The following MAPK9 variants were observed in gnomAD, a reference collection of about 807,000 sequenced individuals.
MAPK9 encodes Jun kinase.
In MAPK9, 30 loss-of-function variants were observed where a neutral mutation model predicts 57.1. That is an observed-to-expected ratio of 0.53 (90% CI 0.39 to 0.71). MAPK9 has a LOEUF of 0.71. MAPK9 is among the 30% of genes least tolerant of loss of function. The pLI is 0.00. For missense variants in MAPK9, 362 were observed against 521.0 expected, an observed-to-expected ratio of 0.69 and a Z score of 2.97; for synonymous variants, 155 against 177.0, an observed-to-expected ratio of 0.88 and a Z score of 0.99.
At chr5:180,263,124 C>T (rs1173662534) in intron 4 of MAPK9, 1 of 152,342 alleles carries the variant, frequency 6.6e-6, no homozygotes, top group African/African-American at 2.4e-5. Flanking sequence ...CTGATTCCAT[C>T]CCTAGCCCAG....
intron 5 of MAPK9, among the ~76,000 whole-genome samples, chr5:180,251,144 G>A (rs1335552295): frequency 2.0e-5 from 3 of 152,172 alleles, no homozygotes; most frequent in Non-Finnish European, 2.9e-5. Context: ...GTGCTGGCGG[G>A]AGAAGCAGAA....
Position 180,236,460 on chromosome 5 carries a change from G to C in MAPK9, c.1199C>G (p.Ser400Cys), listed in dbSNP as rs1258675846. ...SSSINDISSM[S>C]TEQTLASDTD... is the part of the protein sequence containing the mutation. Reference sequence around the variant, plus strand: ...GTCTGAGGCCAGCGTCTGCTCAGTGGACATGGATGAAATGTCATTGATCGA... The same window carrying C: ...GTCTGAGGCCAGCGTCTGCTCAGTGCACATGGATGAAATGTCATTGATCGA... Residue 400 changes from serine to cysteine, a missense_variant, in exon 12 of 12, where the codon TCC (serine) becomes TGC (cysteine). Coordinates refer to ENST00000452135, the MANE Select transcript of MAPK9 (RefSeq NM_002752.5). The C allele has an allele frequency of 6.2e-7, 1 of 1,614,086 alleles. No individual in the cohort carries two copies. The highest frequency in any genetic ancestry group is 1.7e-5 in the Admixed American group (1 of 60,016).
At chr5:180,254,121 CA>C (rs1759015277) in intron 5 of MAPK9, among the ~76,000 whole-genome samples, 2 of 152,180 alleles carry the variant, frequency 1.3e-5, no homozygotes, top group Non-Finnish European at 2.9e-5. Context: ...CACCTGCCAC[CA>C]CGCCCAGCTA....
intron 2 of MAPK9, among the ~76,000 whole-genome samples, chr5:180,273,332 A>T (rs1025867359): frequency 2.6e-5 from 4 of 152,070 alleles, no homozygotes; most frequent in African/African-American, 4.8e-5. Context: ...TTGGTTTTTT[A>T]AAATAAACAA....
At chr5:180,268,052 C>G (rs955253692) in intron 3 of MAPK9, among the ~76,000 whole-genome samples, 1 of 151,962 alleles carries the variant, frequency 6.6e-6, no homozygotes, top group Non-Finnish European at 1.5e-5. Flanking sequence ...TCTCTATCTC[C>G]TGACGTCATG....
At chr5:180,290,789 C>T (rs1763160445) in intron 1 of MAPK9, among the ~76,000 whole-genome samples, 2 of 152,222 alleles carry the variant, frequency 1.3e-5, no homozygotes, top group African/African-American at 4.8e-5. Flanking sequence ...TTTCTTTGAT[C>T]ATTCATTCAT....
chr5:180,292,009 A>AGGGGCGCC lies in MAPK9; in HGVS notation c.-217_-210dup, dbSNP rs1182735903. 5.1e-5 allele frequency: 8 copies of AGGGGCGCC among 155,988 alleles called. No homozygotes were observed. Among genetic ancestry groups the AGGGGCGCC allele is most frequent in the Non-Finnish European group, 9.6e-5 (7 of 73,062 alleles). 9.7% of individuals were successfully genotyped at this position (155,988 alleles called of 1,614,324 possible). A position where few individuals can be genotyped will look rare whatever the true frequency, so the allele number is the denominator to read the frequency against. On this transcript the variant is annotated 5_prime_UTR_variant, in exon 1 of 12. Coordinates refer to ENST00000452135, the MANE Select transcript of MAPK9 (RefSeq NM_002752.5). ...CGCCGCCGCCGCCGCAGTGGGTGTGAGGGGCGCCGGGGCGCTGCGACCCTT... is the reference window on the plus strand; with the variant it reads ...CGCCGCCGCCGCCGCAGTGGGTGTGAGGGGCGCCGGGGCGCCGGGGCGCTGCGACCCTT...
At chr5:180,238,262 T>A (rs1478239903) in intron 11 of MAPK9, 70 bp downstream of exon 11, 3 of 1,261,610 alleles carry the variant, frequency 2.4e-6, no homozygotes, top group South Asian at 2.5e-5. Flanking sequence ...AGAACGAAAC[T>A]CTGTCTCAAA....
rs932089621 is a variant in MAPK9, at chr5:180,238,384, G to C, written c.1080C>G (p.Val360=). 1.9e-6 allele frequency: 3 copies of C among 1,611,078 alleles called. No individual in the cohort carries two copies. The highest frequency in any genetic ancestry group is 2.5e-6 in the Non-Finnish European group (3 of 1,177,598). The change falls in exon 11 of 12, where the codon GTC becomes GTG. Residue 360 remains valine, a synonymous_variant. Transcript: ENST00000452135. ...TCTTGCTTCTTTCTTCCCAATCCAT[G>C]ACTTCTTTGTAAATTAGCTCTTTAA... ...EEWKELIYKE[V]MDWEERSKNG...
chr5:180,268,740 T>C (rs34769284), intron 3 of MAPK9, among the ~76,000 whole-genome samples: 15 of 150,624 alleles, frequency 1.0e-4, no homozygotes, highest in African/African-American at 3.7e-4. Flanking sequence ...GGCAGGAAAA[T>C]GGCATGAACC....
intron 5 of MAPK9, among the ~76,000 whole-genome samples, 198 bp from the exon 6 acceptor site, chr5:180,249,336 T>A (rs1391209078): frequency 6.6e-6 from 1 of 152,144 alleles, no homozygotes; most frequent in Non-Finnish European, 1.5e-5. Context: ...TGGTGCCCCT[T>A]ACCCCCAGTG....
chr5:180,286,704 GGGTAAGGGCTTCTCGTGGCTCCTT>G (rs1253188654), intron 1 of MAPK9, among the ~76,000 whole-genome samples: 1 of 152,126 alleles, frequency 6.6e-6, no homozygotes, highest in Admixed American at 6.5e-5. Context: ...CCAGGGCCCT[GGGTAAGGGCTTCTCGTGGCTCCTT>G]GGACCAGCGA....
At chr5:180,267,491 G>A (rs1445709641) in intron 3 of MAPK9, among the ~76,000 whole-genome samples, 1 of 150,144 alleles carries the variant, frequency 6.7e-6, no homozygotes, top group African/African-American at 2.5e-5. Flanking sequence ...GAACCTGGGA[G>A]GCGGAGCTTG....
chr5:180,260,205 C>A (rs1759782040), intron 5 of MAPK9, among the ~76,000 whole-genome samples: 1 of 152,124 alleles, frequency 6.6e-6, no homozygotes. Flanking sequence ...TCTAAAAAAC[C>A]CTATAAATGT....
intron 4 of MAPK9, among the ~76,000 whole-genome samples, chr5:180,263,307 C>T (rs1031941346): frequency 4.6e-5 from 7 of 152,144 alleles, no homozygotes; most frequent in African/African-American, 1.7e-4. Context: ...CAGTCTCTTC[C>T]CCTCTCACCC....
intron 7 of MAPK9, chr5:180,246,843 G>T (rs900227861): frequency 1.3e-5 from 2 of 152,206 alleles, no homozygotes; most frequent in African/African-American, 4.8e-5. Context: ...CCACTAGACA[G>T]ATTTTTAAAA....
At position 180,247,059 on chromosome 5, in the gene MAPK9, G is replaced by C. The variant is rs1349936281; in HGVS notation, c.688+380C>G. The C allele has an allele frequency of 1.4e-5, 3 of 219,374 alleles. No individual in the cohort carries two copies. The highest frequency in any genetic ancestry group is 2.7e-5 in the Non-Finnish European group (3 of 111,020). 13.6% of individuals were successfully genotyped at this position (219,374 alleles called of 1,614,324 possible). ...CAAGCACACTAGCCTATTAAATTTA[G>C]ATAGCATCTTTCCTAGTTAAATTAA... On this transcript the variant is annotated intron_variant, in intron 7 of 11. Transcript: ENST00000452135. The surrounding 1 kb of genome is among the most constrained non-coding windows in gnomAD (Gnocchi z 4.5).
chr5:180,247,178 G>T lies in MAPK9; in HGVS notation c.688+261C>A. The T allele has an allele frequency of 2.0e-6, 1 of 511,892 alleles. No individual in the cohort carries two copies. Among genetic ancestry groups the T allele is most frequent in the Non-Finnish European group, 3.4e-6 (1 of 291,626 alleles). 31.7% of individuals were successfully genotyped at this position (511,892 alleles called of 1,614,324 possible). On this transcript the variant is annotated intron_variant, in intron 7 of 11. Coordinates refer to ENST00000452135, the MANE Select transcript of MAPK9 (RefSeq NM_002752.5). This position sits in a 1 kb window ranked among gnomAD's most constrained non-coding sequence, Gnocchi z 4.5. ...TTCTTCTATGTGTCCAGCTATTTTT[G>T]GCAAAATTAAGAGCTAATATAATCG... is the stretch of plus-strand genomic sequence containing the variant.
intron 2 of MAPK9, among the ~76,000 whole-genome samples, chr5:180,277,139 C>G (rs184093921): frequency 1.3e-5 from 2 of 152,306 alleles, no homozygotes; most frequent in Admixed American, 1.3e-4. Flanking sequence ...TGTTATATTT[C>G]TCAAAAATGT....
Sources: allele counts gnomAD v4.1 joint callset (sites outside exome capture counted in the v4.1 genomes callset), GRCh38; gene constraint gnomAD v4.1.1; non-coding constraint Gnocchi (gnomAD v3.1); transcripts MANE v1.5; gene names NCBI Gene and HGNC (gene_info 2026-07-23, HGNC 2026-07-21).